The following CPNE4 variants were observed in gnomAD, a reference collection of about 807,000 sequenced individuals.
CPNE4 encodes the protein copine-4.
CPNE4 carries 25 observed loss-of-function variants against 67.9 expected under a neutral mutation model. That is an observed-to-expected ratio of 0.37 (90% confidence interval 0.27 to 0.51). The LOEUF (loss-of-function observed/expected upper bound fraction) is 0.51, where lower values mean the gene tolerates loss of function less well. Among genes scored for constraint, CPNE4 ranks in the 20% least tolerant of loss-of-function variants. The pLI, the probability that CPNE4 is intolerant of heterozygous loss-of-function variation, is 0.93. For synonymous variants in CPNE4, 242 were observed against 244.9 expected, an observed-to-expected ratio of 0.99 and a Z score of 0.11; for missense variants, 464 against 690.8, an observed-to-expected ratio of 0.67 and a Z score of 3.68.
intron 6 of CPNE4, among the ~76,000 whole-genome samples, chr3:131,673,755 C>T (rs747434249): frequency 6.6e-6 from 1 of 152,004 alleles, no homozygotes; most frequent in Non-Finnish European, 1.5e-5. Context: ...ATATCATCTG[C>T]AAACAAGTAT....
At chr3:131,904,737 C>T (rs777242545) in intron 2 of CPNE4, among the ~76,000 whole-genome samples, 8 of 152,090 alleles carry the variant, frequency 5.3e-5, no homozygotes, top group African/African-American at 1.7e-4. Flanking sequence ...TTCCCTCTTT[C>T]AATTCGGGAC....
intron 14 of CPNE4, among the ~76,000 whole-genome samples, chr3:131,547,452 TCGCAAAAAAAAAAAAAAAAAAAAAAAA>T (rs1443272918): frequency 3.7e-5 from 2 of 54,634 alleles, no homozygotes; most frequent in African/African-American, 1.6e-4. Flanking sequence ...CAAGACCCTG[TCGCAAAAAAAAAAAAAAAAAAAAAAAA>T]AAAAAAAAAA....
At chr3:132,029,217 T>C (rs1457093341) in intron 1 of CPNE4, among the ~76,000 whole-genome samples, 1 of 152,154 alleles carries the variant, frequency 6.6e-6, no homozygotes, top group Non-Finnish European at 1.5e-5. Flanking sequence ...GAAAGGCCTG[T>C]CACGAGGAGT....
intron 2 of CPNE4, among the ~76,000 whole-genome samples, chr3:131,902,867 G>A (rs1217386918): frequency 7.3e-5 from 11 of 151,708 alleles, no homozygotes; most frequent in African/African-American, 2.7e-4. Flanking sequence ...ATATTTAGAA[G>A]GGAAAAAAAA....
intron 7 of CPNE4, among the ~76,000 whole-genome samples, chr3:131,601,427 G>T (rs962121082): frequency 1.3e-5 from 2 of 152,152 alleles, no homozygotes; most frequent in Non-Finnish European, 2.9e-5. Context: ...TGATGCAGTG[G>T]AGGTGGCAAA....
At chr3:131,844,762 C>T (rs1330228525) in intron 2 of CPNE4, among the ~76,000 whole-genome samples, 1 of 152,106 alleles carries the variant, frequency 6.6e-6, no homozygotes, top group Non-Finnish European at 1.5e-5. Flanking sequence ...ATTTTCTCTC[C>T]CATTCCATTT....
At chr3:131,573,824 G>T (rs1438337091) in intron 10 of CPNE4, among the ~76,000 whole-genome samples, 1 of 152,070 alleles carries the variant, frequency 6.6e-6, no homozygotes, top group Non-Finnish European at 1.5e-5. Flanking sequence ...AATGTAGGAA[G>T]GCTTGCTGGC....
chr3:131,711,499 TGAA>T (rs1224565586), intron 3 of CPNE4, among the ~76,000 whole-genome samples: 1 of 152,146 alleles, frequency 6.6e-6, no homozygotes, highest in East Asian at 1.9e-4. Flanking sequence ...GAGCAGATGC[TGAA>T]GAAGAGTGAG....
chr3:131,845,949 T>C (rs1234613088), intron 2 of CPNE4, among the ~76,000 whole-genome samples: 2 of 152,196 alleles, frequency 1.3e-5, no homozygotes, highest in Non-Finnish European at 2.9e-5. Flanking sequence ...GGGGTAAACA[T>C]TGCCAGTTTG....
chr3:131,720,486 G>A (rs1021689127), intron 3 of CPNE4, among the ~76,000 whole-genome samples: 14 of 151,962 alleles, frequency 9.2e-5, no homozygotes, highest in South Asian at 2.1e-4. Context: ...GGGTTTCACC[G>A]TGTTAGCCAG....
At chr3:131,580,859 A>G (rs770267915) in intron 9 of CPNE4, among the ~76,000 whole-genome samples, 23 of 152,156 alleles carry the variant, frequency 1.5e-4, no homozygotes, top group Admixed American at 5.2e-4. Context: ...CGCTTTCAGT[A>G]TGAATAAGGT....
At chr3:131,593,953 C>T (rs184013406) in intron 7 of CPNE4, among the ~76,000 whole-genome samples, 13 of 152,134 alleles carry the variant, frequency 8.5e-5, no homozygotes, top group Admixed American at 2.0e-4. Flanking sequence ...CTCTTGACCT[C>T]GTAATCTGCC....
At chr3:131,733,332 G>A (rs1247019964) in intron 2 of CPNE4, among the ~76,000 whole-genome samples, 1 of 152,208 alleles carries the variant, frequency 6.6e-6, no homozygotes, top group Non-Finnish European at 1.5e-5. Flanking sequence ...ACTGTTGAGT[G>A]TCCAGCACAG....
chr3:131,786,100 C>A (rs2083555733), intron 2 of CPNE4, among the ~76,000 whole-genome samples: 1 of 152,094 alleles, frequency 6.6e-6, no homozygotes, highest in Non-Finnish European at 1.5e-5. Context: ...AGCACCAGCT[C>A]TCCAGGTCTG....
At chr3:131,872,539 A>G (rs2087262084) in intron 2 of CPNE4, among the ~76,000 whole-genome samples, 1 of 152,196 alleles carries the variant, frequency 6.6e-6, no homozygotes, top group Non-Finnish European at 1.5e-5. Flanking sequence ...CACTTTAGGA[A>G]GGGCAGTCTG....
chr3:131,689,435 C>A (rs966748698), intron 5 of CPNE4, among the ~76,000 whole-genome samples: 8 of 152,000 alleles, frequency 5.3e-5, no homozygotes. Context: ...GTTCAACGTA[C>A]ACATATCAAA....
At chr3:132,002,051 A>G (rs1317535106) in intron 1 of CPNE4, among the ~76,000 whole-genome samples, 1 of 152,068 alleles carries the variant, frequency 6.6e-6, no homozygotes, top group Non-Finnish European at 1.5e-5. Flanking sequence ...CCGAAGGATG[A>G]TATCATCACA....
chr3:131,863,033 T>G (rs1367546076), intron 2 of CPNE4, among the ~76,000 whole-genome samples: 1 of 151,950 alleles, frequency 6.6e-6, no homozygotes, highest in East Asian at 1.9e-4. Flanking sequence ...ACAAAAGACA[T>G]GAACTCATCA....
At chr3:131,705,023 C>G (rs2081383786) in intron 3 of CPNE4, among the ~76,000 whole-genome samples, 1 of 152,106 alleles carries the variant, frequency 6.6e-6, no homozygotes, top group Admixed American at 6.6e-5. Flanking sequence ...AACTCACACA[C>G]ATTCTCTCTC....
Sources: gnomAD v4.1 joint callset for allele counts (sites outside exome capture counted in the v4.1 genomes callset) on GRCh38, gnomAD v4.1.1 for gene constraint, MANE v1.5 for transcripts, NCBI Gene and HGNC (gene_info 2026-07-23, HGNC 2026-07-21) for gene names.